The following DMD variants were observed in gnomAD, a reference collection of about 807,000 sequenced individuals.
The protein encoded by DMD is dystrophin, also known as mutant dystrophin.
A neutral mutation model predicts 330.1 loss-of-function variants in DMD; 63 were observed. The observed-to-expected ratio is 0.19, with a 90% CI of 0.16 to 0.24. The LOEUF is 0.24. DMD is among the 10% of genes least tolerant of loss of function. The pLI is 1.00. For missense variants in DMD, 3,344 were observed against 2,684.1 expected, an observed-to-expected ratio of 1.25 and a Z score of -5.43; for synonymous variants, 1,223 against 959.8, an observed-to-expected ratio of 1.27 and a Z score of -5.07.
In DMD at chrX:31,766,873, T is replaced by TTGTGTG. The variant is rs756777827; in HGVS notation, c.7542+7081_7542+7086dup. ...ATTAGGAGACTTAGAAAATATGATT[T>TTGTGTG]TGTGTGTGTGTGTGTGTGTGTGTGT... On this transcript the variant is annotated intron_variant, in intron 51 of 78. Coordinates refer to ENST00000357033, the MANE Select transcript of DMD (RefSeq NM_004006.3). 3.1e-3 allele frequency among the ~76,000 whole-genome samples: 315 copies of TTGTGTG among 101,069 alleles called. 1 individual carries two copies. Among genetic ancestry groups the TTGTGTG allele is most frequent in the African/African-American group, 6.4e-3 (178 of 27,628 alleles). 87.8% of individuals were successfully genotyped at this position (101,069 alleles called of 115,157 possible). A position where few individuals can be genotyped will look rare whatever the true frequency, so the allele number is the denominator to read the frequency against.
At chrX:33,184,720 CTTTTTTTTT>C (rs11317329) in intron 1 of DMD, among the ~76,000 whole-genome samples, 2 of 51,086 alleles carry the variant, frequency 3.9e-5, no homozygotes, top group Admixed American at 5.5e-4. Context: ...TTTTTTCTTT[CTTTTTTTTT>C]TTTTTTTTTT....
chrX:32,511,098 T>A (rs920988158), intron 18 of DMD, among the ~76,000 whole-genome samples: 13 of 110,625 alleles, frequency 1.2e-4, no homozygotes, highest in African/African-American at 4.3e-4. Flanking sequence ...CATTTTCTTT[T>A]ATATATTTCA....
rs943966107 is a variant in DMD, at chrX:31,801,840, G to A, written c.7309+18135C>T. Among the ~76,000 whole-genome samples the A allele has an allele frequency of 3.6e-5, 4 of 111,281 alleles. No homozygotes were observed. In the Admixed American group the frequency reaches 3.8e-4, roughly 11 times the overall value. On this transcript the variant is annotated intron_variant, in intron 50 of 78. Transcript: ENST00000357033. ...GTCCCACAAATAAATATAAGATTTG[G>A]TGTGTGCTCTGGAAGAGGAGTATAA...
At chrX:31,919,440 G>C (rs1228823096) in intron 47 of DMD, among the ~76,000 whole-genome samples, 1 of 112,201 alleles carries the variant, frequency 8.9e-6, no homozygotes, top group African/African-American at 3.2e-5. Flanking sequence ...TCAGTCATCA[G>C]TCACAGGTTG....
chrX:32,706,117 A>G (rs1225434238), intron 7 of DMD, among the ~76,000 whole-genome samples: 3 of 104,523 alleles, frequency 2.9e-5, no homozygotes, highest in African/African-American at 1.1e-4. Context: ...TCAGCAAACT[A>G]TCACAAGGAC....
intron 1 of DMD, among the ~76,000 whole-genome samples, chrX:33,235,660 G>A (rs752799089): frequency 1.8e-5 from 2 of 110,196 alleles, no homozygotes; most frequent in Admixed American, 1.9e-4. Context: ...AGTCTCAGAG[G>A]TGATACACAC....
chrX:31,187,622 C>T (rs1476315767), intron 67 of DMD, among the ~76,000 whole-genome samples: 1 of 110,130 alleles, frequency 9.1e-6, no homozygotes, highest in Non-Finnish European at 1.9e-5. Flanking sequence ...TTATATCTGC[C>T]TCTTAAAATT....
chrX:32,306,741 T>G (rs1473093517), intron 42 of DMD, among the ~76,000 whole-genome samples: 2 of 110,130 alleles, frequency 1.8e-5, no homozygotes, highest in African/African-American at 3.3e-5. Context: ...TTCCTCCTCC[T>G]TTCAGTGATT....
chrX:32,560,900 A>G (rs1369939772), intron 16 of DMD, among the ~76,000 whole-genome samples: 1 of 111,963 alleles, frequency 8.9e-6, no homozygotes, highest in Non-Finnish European at 1.9e-5. Flanking sequence ...CAATTAACAT[A>G]CAAATGCATG....
intron 29 of DMD, chrX:32,412,343 T>C: frequency 1.9e-6 from 1 of 527,017 alleles, no homozygotes; most frequent in South Asian, 2.7e-5. Context: ...ACCAGTGAGA[T>C]ACATGTACAA....
intron 51 of DMD, among the ~76,000 whole-genome samples, chrX:31,762,289 T>C (rs2089655649): frequency 9.1e-6 from 1 of 109,473 alleles, no homozygotes; most frequent in African/African-American, 3.3e-5. Flanking sequence ...AAAAAAGTCT[T>C]GCTGGGCACG....
At chrX:32,664,852 C>A (rs763504849) in intron 9 of DMD, among the ~76,000 whole-genome samples, 1 of 111,574 alleles carries the variant, frequency 9.0e-6, no homozygotes, top group East Asian at 2.8e-4. Flanking sequence ...TAGATAAGAT[C>A]ATCGAGAAAA....
chrX:31,878,170 A>C (rs2093998270), intron 47 of DMD, among the ~76,000 whole-genome samples: 1 of 112,235 alleles, frequency 8.9e-6, no homozygotes, highest in Admixed American at 9.5e-5. Flanking sequence ...ATCTGGAATA[A>C]TGAAATGATA....
intron 52 of DMD, among the ~76,000 whole-genome samples, chrX:31,680,644 C>T (rs890965972): frequency 1.8e-5 from 2 of 110,533 alleles, no homozygotes; most frequent in African/African-American, 6.6e-5. Context: ...TCCCAAAGTG[C>T]TGGGATTACA....
chrX:31,530,967 T>G (rs1211558559), intron 55 of DMD, among the ~76,000 whole-genome samples: 1 of 94,177 alleles, frequency 1.1e-5, no homozygotes, highest in Non-Finnish European at 2.0e-5. Flanking sequence ...AGAATGATGG[T>G]TTCCAATTTC....
rs1491311476 is a variant in DMD at position 33,008,874 on chromosome X, A to ATG, written c.93+11264_93+11265insCA. 7.6e-4 allele frequency among the ~76,000 whole-genome samples: 43 copies of ATG among 56,248 alleles called. 3 individuals are homozygous for ATG. Among genetic ancestry groups the ATG allele is most frequent in the African/African-American group, 2.2e-3 (39 of 17,356 alleles). 48.8% of individuals were successfully genotyped at this position (56,248 alleles called of 115,157 possible). A position where few individuals can be genotyped will look rare whatever the true frequency, so the allele number is the denominator to read the frequency against. On this transcript the variant is annotated intron_variant, in intron 2 of 78. Coordinates refer to ENST00000357033, the MANE Select transcript of DMD (RefSeq NM_004006.3). ...TATACGTGTATATATACACATACTC[A>ATG]TATATGTATATATACGTGTATATAT...
chrX:32,058,371 G>A (rs7885241), intron 44 of DMD, among the ~76,000 whole-genome samples: 25,035 of 108,670 alleles, frequency 0.23, 2,730 homozygotes, highest in African/African-American at 0.41. Context: ...CATGAGGAAC[G>A]TAATAACAAC....
At chrX:32,613,214 A>ATGGC (rs1395366404) in intron 12 of DMD, among the ~76,000 whole-genome samples, 2 of 111,615 alleles carry the variant, frequency 1.8e-5, no homozygotes, top group African/African-American at 6.5e-5. Flanking sequence ...TGAAATTTAC[A>ATGGC]TTTAAGTAGG....
rs188080094 is a variant in DMD, at chrX:32,845,850, C to G, written c.187-990G>C. Among the ~76,000 whole-genome samples the G allele has an allele frequency of 6.5e-3, 726 of 112,214 alleles. 2 individuals are homozygous for G. Among genetic ancestry groups the G allele is most frequent in the Non-Finnish European group, 9.9e-3 (526 of 53,226 alleles). Reference sequence around the variant, plus strand: ...AAAATGGACTTAATGAAAATATTAGCAAGAGGCATACACAAGTTACAACAT... The same window carrying G: ...AAAATGGACTTAATGAAAATATTAGGAAGAGGCATACACAAGTTACAACAT... On this transcript the variant is annotated intron_variant, in intron 3 of 78. Coordinates refer to ENST00000357033, the MANE Select transcript of DMD (RefSeq NM_004006.3).
Sources: gnomAD v4.1 joint callset for allele counts (sites outside exome capture counted in the v4.1 genomes callset) on GRCh38, gnomAD v4.1.1 for gene constraint, MANE v1.5 for transcripts, NCBI Gene and HGNC (gene_info 2026-07-23, HGNC 2026-07-21) for gene names.